Variants in TTC29 observed in about 807,000 individuals in gnomAD.
TTC29 encodes the protein tetratricopeptide repeat domain 29, also known as tetratricopeptide repeat protein 29.
TTC29 carries 49 observed loss-of-function variants against 58.1 expected under a neutral mutation model. The observed-to-expected ratio is 0.84, with a 90% CI of 0.67 to 1.07. TTC29 has a LOEUF of 1.07. Ranked by LOEUF, TTC29 falls within the 50% of genes least tolerant of loss-of-function variation. TTC29 has a pLI of 0.00. For synonymous variants in TTC29, 209 were observed against 196.8 expected (o/e 1.06, Z -0.52); for missense variants, 582 against 555.6 (o/e 1.05, Z -0.48).
chr4:146,753,812 T>A (rs1350614781), intron 11 of TTC29, among the ~76,000 whole-genome samples: 1 of 150,732 alleles, frequency 6.6e-6, no homozygotes, highest in Non-Finnish European at 1.5e-5. Context: ...GGACAAAAAA[T>A]CAGACACTGC....
rs10678715 is a variant in TTC29, at chr4:146,713,111, C to CGTGTGTGTGTGTGTGT, written c.1331-5576_1331-5561dup. 3.2e-3 allele frequency among the ~76,000 whole-genome samples: 444 copies of CGTGTGTGTGTGTGTGT among 139,640 alleles called. 5 individuals carry two copies. The highest frequency in any genetic ancestry group is 0.011 in the African/African-American group (394 of 36,904). 91.6% of individuals were successfully genotyped at this position (139,640 alleles called of 152,430 possible). A position where few individuals can be genotyped will look rare whatever the true frequency, so the allele number is the denominator to read the frequency against. On this transcript the variant is annotated intron_variant, in intron 11 of 12. Coordinates refer to ENST00000325106, the MANE Select transcript of TTC29 (RefSeq NM_031956.4). The stretch of plus-strand genomic sequence containing the variant: ...GAGCAGAGAAGGTGGGAGAATTGAT[C>CGTGTGTGTGTGTGTGT]GTGTGTGTGTGTGTGTGTGTGTGTG...
intron 11 of TTC29, among the ~76,000 whole-genome samples, chr4:146,797,251 A>G (rs1466689257): frequency 1.3e-5 from 2 of 152,230 alleles, no homozygotes; most frequent in Non-Finnish European, 2.9e-5. Flanking sequence ...TATAAACCCT[A>G]CAATGCGTTA....
intron 9 of TTC29, among the ~76,000 whole-genome samples, chr4:146,826,682 T>C (rs1271629901): frequency 5.9e-5 from 9 of 152,272 alleles, no homozygotes; most frequent in African/African-American, 2.2e-4. Flanking sequence ...AAAATTCTCC[T>C]GGATAATATC....
At chr4:146,739,598 A>G (rs1335305134) in intron 11 of TTC29, among the ~76,000 whole-genome samples, 1 of 152,190 alleles carries the variant, frequency 6.6e-6, no homozygotes, top group African/African-American at 2.4e-5. Flanking sequence ...TATTTATTGA[A>G]TGATTTTCAG....
intron 4 of TTC29, among the ~76,000 whole-genome samples, chr4:146,925,259 C>G (rs1236351157): frequency 6.6e-6 from 1 of 152,016 alleles, no homozygotes; most frequent in African/African-American, 2.4e-5. Context: ...TATATTCCTA[C>G]TGGTTTTTCT....
intron 11 of TTC29, among the ~76,000 whole-genome samples, chr4:146,789,051 A>G (rs188175241): frequency 2.0e-4 from 30 of 152,290 alleles, no homozygotes; most frequent in Admixed American, 2.0e-3. Context: ...TGAATTTATA[A>G]TAATGTTCTG....
intron 4 of TTC29, among the ~76,000 whole-genome samples, chr4:146,927,311 A>G (rs1735008397): frequency 6.6e-6 from 1 of 152,178 alleles, no homozygotes; most frequent in Non-Finnish European, 1.5e-5. Context: ...ACTTCCCCAA[A>G]GTCAACCATT....
At chr4:146,932,608 A>G (rs1735425506) in intron 4 of TTC29, among the ~76,000 whole-genome samples, 1 of 152,192 alleles carries the variant, frequency 6.6e-6, no homozygotes, top group South Asian at 2.1e-4. Context: ...TAAAAAGTAT[A>G]TTTGTAGTTC....
intron 11 of TTC29, among the ~76,000 whole-genome samples, chr4:146,780,022 A>T (rs779471059): frequency 6.6e-6 from 1 of 152,136 alleles, no homozygotes; most frequent in Non-Finnish European, 1.5e-5. Flanking sequence ...GCTACTTGAG[A>T]GTCTAGATCT....
At chr4:146,871,134 C>T (rs1371692612) in intron 7 of TTC29, among the ~76,000 whole-genome samples, 1 of 151,860 alleles carries the variant, frequency 6.6e-6, no homozygotes, top group Non-Finnish European at 1.5e-5. Flanking sequence ...GGATTATACA[C>T]CACGATCAAG....
intron 11 of TTC29, among the ~76,000 whole-genome samples, chr4:146,717,715 C>G (rs1743037022): frequency 6.6e-6 from 1 of 152,102 alleles, no homozygotes; most frequent in Admixed American, 6.6e-5. Flanking sequence ...GTGTGTCCAG[C>G]ACTTCAAATG....
intron 11 of TTC29, among the ~76,000 whole-genome samples, chr4:146,753,012 A>C (rs200639909): frequency 0.011 from 1,614 of 152,158 alleles, 27 homozygotes; most frequent in African/African-American, 0.034. Flanking sequence ...ATGTCTAAAA[A>C]ACCAAAAGCA....
chr4:146,769,344 C>A (rs1422801422), intron 11 of TTC29, among the ~76,000 whole-genome samples: 3 of 151,816 alleles, frequency 2.0e-5, no homozygotes, highest in Non-Finnish European at 4.4e-5. Context: ...AATATTCAAG[C>A]TTAATATTTT....
rs548980519 is a variant in TTC29, at chr4:146,848,256, C to A, written c.886-14359G>T. ...TATAATAAAGCATTAATCGAGTATA[C>A]TTTTATTGACTGAATAAAATTCAAG... On this transcript the variant is annotated intron_variant, in intron 8 of 12. Coordinates refer to ENST00000325106, the MANE Select transcript of TTC29 (RefSeq NM_031956.4). Among the ~76,000 whole-genome samples the A allele has an allele frequency of 3.3e-5, 5 of 152,274 alleles. No individual in the cohort carries two copies. The East Asian group carries it at 9.6e-4, about 29-fold the overall frequency.
chr4:146,930,256 G>T (rs1044913216), intron 4 of TTC29, among the ~76,000 whole-genome samples: 2 of 151,210 alleles, frequency 1.3e-5, no homozygotes, highest in African/African-American at 4.8e-5. Flanking sequence ...TCAAGGAAAA[G>T]CATCTCCTAC....
At chr4:146,874,549 A>T (rs189658855) in intron 7 of TTC29, among the ~76,000 whole-genome samples, 167 bp downstream of exon 7, 3 of 152,270 alleles carry the variant, frequency 2.0e-5, no homozygotes, top group Non-Finnish European at 2.9e-5. Context: ...TGTCAGCACT[A>T]AGGCACCTTC....
intron 6 of TTC29, among the ~76,000 whole-genome samples, chr4:146,898,314 A>T (rs1732913203): frequency 6.6e-6 from 1 of 152,278 alleles, no homozygotes; most frequent in Non-Finnish European, 1.5e-5. Context: ...GAGTGCTGGT[A>T]GTTATTTCAA....
chr4:146,769,698 G>A (rs1376737093), intron 11 of TTC29, among the ~76,000 whole-genome samples: 6 of 151,976 alleles, frequency 3.9e-5, no homozygotes, highest in Non-Finnish European at 7.4e-5. Flanking sequence ...ACTTTGGGCC[G>A]AGAATCAGTG....
intron 8 of TTC29, among the ~76,000 whole-genome samples, chr4:146,854,128 G>C (rs964938091): frequency 3.9e-5 from 6 of 152,066 alleles, no homozygotes; most frequent in African/African-American, 1.4e-4. Context: ...AACTGGCTTG[G>C]CAATACACCT....
Sources: gnomAD v4.1 joint callset for allele counts (sites outside exome capture counted in the v4.1 genomes callset) on GRCh38, gnomAD v4.1.1 for gene constraint, MANE v1.5 for transcripts, NCBI Gene and HGNC (gene_info 2026-07-23, HGNC 2026-07-21) for gene names.